The following IL1RAPL1 variants were observed in gnomAD, a reference collection of about 807,000 sequenced individuals.
IL1RAPL1 encodes interleukin-1 receptor accessory protein-like 1.
A neutral mutation model predicts 48.4 loss-of-function variants in IL1RAPL1; 3 were observed. That is an observed-to-expected ratio of 0.06 (90% CI 0.03 to 0.16). The LOEUF (loss-of-function observed/expected upper bound fraction) is 0.16, where lower values mean the gene tolerates loss of function less well. Ranked by LOEUF, IL1RAPL1 falls within the 10% of genes least tolerant of loss-of-function variation. IL1RAPL1 has a pLI of 1.00. For missense variants in IL1RAPL1, 349 were observed against 530.6 expected, an observed-to-expected ratio of 0.66 and a Z score of 3.36; for synonymous variants, 185 against 187.7, an observed-to-expected ratio of 0.99 and a Z score of 0.12.
At chrX:29,214,712 T>C (rs1379179965) in intron 2 of IL1RAPL1, among the ~76,000 whole-genome samples, 1 of 111,692 alleles carries the variant, frequency 9.0e-6, no homozygotes, top group Non-Finnish European at 1.9e-5. Flanking sequence ...GAAAATCCAA[T>C]AGAATGTCAT....
chrX:28,759,112 C>T lies in IL1RAPL1; in HGVS notation c.-24-30208C>T, dbSNP rs773949200. ...AATTAGCTGGGTGTGGTGGTGGGCACCTGTAATCCCAGCTACTCAGGAAGC... is the reference window on the plus strand; with the variant it reads ...AATTAGCTGGGTGTGGTGGTGGGCATCTGTAATCCCAGCTACTCAGGAAGC... On this transcript the variant is annotated intron_variant, in intron 1 of 10. Transcript: ENST00000378993. Among the ~76,000 whole-genome samples the T allele has an allele frequency of 1.1e-4, 12 of 110,988 alleles. No homozygotes were observed. In the South Asian group the frequency reaches 4.2e-3, roughly 39 times the overall value.
intron 2 of IL1RAPL1, among the ~76,000 whole-genome samples, chrX:28,969,907 A>ACATATATATGTTTCTAAACG (rs1925019693): frequency 2.7e-5 from 3 of 109,302 alleles, no homozygotes; most frequent in African/African-American, 9.9e-5. Context: ...TTCTAAACAC[A>ACATATATATGTTTCTAAACG]CATATATATG....
At chrX:29,409,916 A>G (rs1428549500) in intron 5 of IL1RAPL1, among the ~76,000 whole-genome samples, 1 of 97,725 alleles carries the variant, frequency 1.0e-5, no homozygotes, top group Admixed American at 1.3e-4. Flanking sequence ...TCCGCCTCCC[A>G]GGTTCAAGCG....
chrX:28,980,190 C>T (rs988851879), intron 2 of IL1RAPL1, among the ~76,000 whole-genome samples: 5 of 112,447 alleles, frequency 4.4e-5, no homozygotes, highest in African/African-American at 1.6e-4. Context: ...CTGGAGCTCT[C>T]TTCTCTCACC....
intron 2 of IL1RAPL1, among the ~76,000 whole-genome samples, chrX:28,932,754 G>GA (rs34556850): frequency 1.6e-4 from 16 of 102,431 alleles, no homozygotes; most frequent in East Asian, 3.0e-4. Flanking sequence ...AGGTAAAGTA[G>GA]AAAAAAAAAA....
intron 3 of IL1RAPL1, among the ~76,000 whole-genome samples, chrX:29,299,040 C>G (rs1239730873): frequency 9.2e-6 from 1 of 108,516 alleles, no homozygotes; most frequent in Non-Finnish European, 1.9e-5. Flanking sequence ...GCCAGCACAG[C>G]TAGAATATAA....
Position 29,399,219 on chromosome X carries a change from A to G in IL1RAPL1, c.614A>G (p.Glu205Gly). The G allele has an allele frequency of 1.7e-6, 2 of 1,191,618 alleles. No individual in the cohort carries two copies. Among genetic ancestry groups the G allele is most frequent in the Non-Finnish European group, 2.3e-6 (2 of 877,265 alleles). The change falls in exon 5 of 11, where the codon GAA becomes GGA. Residue 205 changes from glutamate to glycine, a missense_variant. Transcript: ENST00000378993. ...VFKRDTLLIR[E>G]VREDDIGNYT... ...AAAAGAGATACTCTGCTTATAAGAG[A>G]AGTCAGAGAAGATGACATTGGAAAT...
At chrX:29,508,368 A>G (rs917986149) in intron 5 of IL1RAPL1, among the ~76,000 whole-genome samples, 3 of 111,642 alleles carry the variant, frequency 2.7e-5, no homozygotes, top group Non-Finnish European at 5.6e-5. Flanking sequence ...TCCCAAAAAG[A>G]AGGGTGTCTG....
At chrX:28,923,484 CT>C (rs1376185350) in intron 2 of IL1RAPL1, among the ~76,000 whole-genome samples, 4 of 111,337 alleles carry the variant, frequency 3.6e-5, no homozygotes, top group African/African-American at 1.3e-4. Context: ...CTGTACGTTT[CT>C]TTATATATGA....
At chrX:29,030,598 A>C (rs1449923740) in intron 2 of IL1RAPL1, among the ~76,000 whole-genome samples, 1 of 111,743 alleles carries the variant, frequency 8.9e-6, no homozygotes, top group East Asian at 2.8e-4. Context: ...GGTAAAAAGT[A>C]AAATAGGACA....
intron 5 of IL1RAPL1, among the ~76,000 whole-genome samples, chrX:29,618,957 C>G (rs868591843): frequency 3.0e-4 from 34 of 111,705 alleles, no homozygotes; most frequent in African/African-American, 1.1e-3. Flanking sequence ...AGATGGAACT[C>G]TTGTAGGTCT....
Position 29,803,405 on chromosome X carries a change from G to GTATACA in IL1RAPL1, c.779-114058_779-114057insATACAT, listed in dbSNP as rs1306789579. ...TACATGTATACACATATGTATATATGTGTATATGTGTATATGTGTATATAT... is the reference window on the plus strand; with the variant it reads ...TACATGTATACACATATGTATATATGTATACATGTATATGTGTATATGTGTATATAT... On this transcript the variant is annotated intron_variant, in intron 6 of 10. Transcript: ENST00000378993. Among the ~76,000 whole-genome samples, 15 of 85,795 alleles carry GTATACA rather than the reference G, an allele frequency of 1.7e-4. 1 individual carries two copies. The highest frequency in any genetic ancestry group is 5.5e-4 in the African/African-American group (11 of 20,141). The allele number at this position is 85,795 out of a possible 115,157, so 74.5% of individuals were successfully genotyped here.
intron 6 of IL1RAPL1, among the ~76,000 whole-genome samples, chrX:29,891,796 C>A (rs760664415): frequency 1.8e-5 from 2 of 111,378 alleles, no homozygotes; most frequent in South Asian, 3.8e-4. Flanking sequence ...CAATGTAATT[C>A]ATCTTAAAAG....
chrX:29,295,868 C>T (rs1258014180), intron 3 of IL1RAPL1, among the ~76,000 whole-genome samples: 2 of 112,008 alleles, frequency 1.8e-5, no homozygotes, highest in Non-Finnish European at 3.8e-5. Flanking sequence ...CTTTTACTTA[C>T]ATTCATAGGC....
chrX:28,767,839 A>G (rs1936258662), intron 1 of IL1RAPL1, among the ~76,000 whole-genome samples: 1 of 111,096 alleles, frequency 9.0e-6, no homozygotes, highest in African/African-American at 3.3e-5. Flanking sequence ...CTAAAATACA[A>G]TGCAAAAAAG....
At position 29,095,217 on chromosome X, in the gene IL1RAPL1, C is replaced by T. The variant is rs1235866202; in HGVS notation, c.83-187721C>T. On this transcript the variant is annotated intron_variant, in intron 2 of 10. Transcript: ENST00000378993. ...AGACTTGTTTATCATTTCTCTTGCTCTAAATTTTAGAAAGGTGTTGTTTTT... is the reference window on the plus strand; with the variant it reads ...AGACTTGTTTATCATTTCTCTTGCTTTAAATTTTAGAAAGGTGTTGTTTTT... Among the ~76,000 whole-genome samples, 4 of 110,982 alleles carry T rather than the reference C, an allele frequency of 3.6e-5. No individual in the cohort carries two copies. The East Asian group carries it at 8.5e-4, about 23-fold the overall frequency.
intron 1 of IL1RAPL1, among the ~76,000 whole-genome samples, chrX:28,691,293 C>A (rs1935176360): frequency 9.0e-6 from 1 of 111,295 alleles, no homozygotes; most frequent in African/African-American, 3.3e-5. Flanking sequence ...ATACAGTTAC[C>A]ATTGTCTGAA....
chrX:29,700,261 G>A (rs1268178868), intron 6 of IL1RAPL1, among the ~76,000 whole-genome samples: 1 of 112,042 alleles, frequency 8.9e-6, no homozygotes, highest in Non-Finnish European at 1.9e-5. Flanking sequence ...GATCTCACTA[G>A]AGTCTAATAG....
intron 6 of IL1RAPL1, among the ~76,000 whole-genome samples, chrX:29,874,117 T>G (rs1287578731): frequency 2.7e-5 from 3 of 111,732 alleles, no homozygotes; most frequent in Admixed American, 9.5e-5. Flanking sequence ...TTGCTTCATT[T>G]TGGTGGATTT....
Sources: allele counts gnomAD v4.1 joint callset (sites outside exome capture counted in the v4.1 genomes callset), GRCh38; gene constraint gnomAD v4.1.1; transcripts MANE v1.5; gene names NCBI Gene and HGNC (gene_info 2026-07-23, HGNC 2026-07-21).